Variants in RUFY2 observed in about 807,000 individuals in gnomAD.
RUFY2 encodes RUN and FYVE domain containing 2.
A neutral mutation model predicts 94.4 loss-of-function variants in RUFY2; 49 were observed. That is an observed-to-expected ratio of 0.52 (90% CI 0.41 to 0.66). The LOEUF (loss-of-function observed/expected upper bound fraction) is 0.66, where lower values mean the gene tolerates loss of function less well. Among genes scored for constraint, RUFY2 ranks in the 30% least tolerant of loss-of-function variants. RUFY2 has a pLI of 0.00. For synonymous variants in RUFY2, 255 were observed against 235.7 expected (o/e 1.08, Z -0.75); for missense variants, 541 against 692.8 (o/e 0.78, Z 2.46).
In RUFY2 at chr10:68,343,961, TG is replaced by T. The variant is rs2046130370; in HGVS notation, c.*1806del. On this transcript the variant is annotated 3_prime_UTR_variant, in exon 18 of 18. Transcript: ENST00000602465. ...GCAACTTAAGTCACATTTTAAAATT[TG>T]TTCTAAGCACAGTAATAAAAAAGCA... 2 of 152,298 alleles carry T rather than the reference TG, an allele frequency of 1.3e-5. No individual in the cohort carries two copies. The highest frequency in any genetic ancestry group is 4.8e-5 in the African/African-American group (2 of 41,570). 9.4% of individuals were successfully genotyped at this position (152,298 alleles called of 1,614,324 possible).
At chr10:68,378,485 T>G (rs2048812465) in intron 12 of RUFY2, 1 of 1,370,028 alleles carries the variant, frequency 7.3e-7, no homozygotes. Context: ...TTAATAGCAT[T>G]TAGATTCCTT....
In RUFY2 at chr10:68,394,107, T is replaced by C; in HGVS notation, c.552A>G (p.Leu184=). 2 of 1,504,914 alleles carry C rather than the reference T, an allele frequency of 1.3e-6. No individual in the cohort carries two copies. The highest frequency in any genetic ancestry group is 1.8e-6 in the Non-Finnish European group (2 of 1,122,108). 93.2% of individuals were successfully genotyped at this position (1,504,914 alleles called of 1,614,324 possible). The part of the protein sequence containing the change: ...QVGVIDFSMY[L]KNEEDIGNKE... ...TATTTCCAATATCTTCTTCATTCTTTAAATACATAGAAAAATCAATCACTC... is the reference window on the plus strand; with the variant it reads ...TATTTCCAATATCTTCTTCATTCTTCAAATACATAGAAAAATCAATCACTC... Residue 184 remains leucine (L), a synonymous_variant, in exon 6 of 18, where the codon TTA becomes TTG. Transcript: ENST00000602465.
At chr10:68,367,454 T>C (rs758572983) in intron 13 of RUFY2, among the ~76,000 whole-genome samples, 5 of 152,004 alleles carry the variant, frequency 3.3e-5, no homozygotes, top group Non-Finnish European at 5.9e-5. Context: ...GGGGTTTTTA[T>C]TTTGTTCTGT....
intron 7 of RUFY2, among the ~76,000 whole-genome samples, chr10:68,388,418 G>A (rs766691138): frequency 1.2e-4 from 18 of 152,018 alleles, no homozygotes; most frequent in African/African-American, 3.9e-4. Context: ...AGCTGAGATC[G>A]CGCCATTGCA....
Position 68,379,356 on chromosome 10 carries a change from G to A in RUFY2, c.1205+68C>T, listed in dbSNP as rs74143082. The A allele has an allele frequency of 1.8e-5, 20 of 1,116,520 alleles. No homozygotes were observed. In the African/African-American group the frequency reaches 1.9e-4, roughly 11 times the overall value. The allele number at this position is 1,116,520 out of a possible 1,614,324, so 69.2% of individuals were successfully genotyped here. A position where few individuals can be genotyped will look rare whatever the true frequency, so the allele number is the denominator to read the frequency against. ...CTTCCTAATGGTTTTTGTGGCAGGT[G>A]TAGGAACTGAATAAAGAAAAAGGGA... On this transcript the variant is annotated intron_variant, in intron 12 of 17. Coordinates refer to ENST00000602465, the MANE Select transcript of RUFY2 (RefSeq NM_001330103.2).
At chr10:68,400,500 C>T (rs957112376) in intron 3 of RUFY2, among the ~76,000 whole-genome samples, 3 of 150,206 alleles carry the variant, frequency 2.0e-5, no homozygotes, top group Admixed American at 6.7e-5. Context: ...CATGGTGAAA[C>T]CCCGTCTCTA....
At chr10:68,362,625 T>C (rs1324737307) in intron 15 of RUFY2, among the ~76,000 whole-genome samples, 3 of 151,968 alleles carry the variant, frequency 2.0e-5, no homozygotes, top group African/African-American at 7.2e-5. Flanking sequence ...ACCCCATCTC[T>C]ATAAACAATA....
chr10:68,359,789 CA>C (rs1263922397), intron 15 of RUFY2, among the ~76,000 whole-genome samples: 146 of 122,056 alleles, frequency 1.2e-3, no homozygotes, highest in Admixed American at 1.3e-3. Context: ...AACTCCGTCT[CA>C]AAAAAAAAAA....
intron 7 of RUFY2, among the ~76,000 whole-genome samples, chr10:68,391,282 C>G (rs573384425): frequency 3.8e-4 from 57 of 151,996 alleles, no homozygotes; most frequent in African/African-American, 1.3e-3. Flanking sequence ...TTGGGGAATA[C>G]TGGGTAAAAT....
At chr10:68,404,227 T>C (rs901819981) in intron 2 of RUFY2, among the ~76,000 whole-genome samples, 2 of 152,222 alleles carry the variant, frequency 1.3e-5, no homozygotes, top group Non-Finnish European at 2.9e-5. Context: ...ATGGCTCACA[T>C]TTCTACAATA....
intron 13 of RUFY2, among the ~76,000 whole-genome samples, chr10:68,366,547 A>T (rs2047833075): frequency 6.7e-6 from 1 of 150,290 alleles, no homozygotes; most frequent in African/African-American, 2.4e-5. Flanking sequence ...GTTCGAGAAC[A>T]GCCTGGCCAA....
chr10:68,367,728 C>T (rs2047957523), intron 13 of RUFY2, among the ~76,000 whole-genome samples: 1 of 138,820 alleles, frequency 7.2e-6, no homozygotes, highest in Non-Finnish European at 1.6e-5. Flanking sequence ...CTCCCTCCCT[C>T]CCTCCCTCCC....
At chr10:68,380,612 A>C (rs977307342) in intron 11 of RUFY2, among the ~76,000 whole-genome samples, 2 of 152,154 alleles carry the variant, frequency 1.3e-5, no homozygotes, top group Non-Finnish European at 2.9e-5. Context: ...CTGTAATCTC[A>C]GCACTTTGGG....
intron 4 of RUFY2, among the ~76,000 whole-genome samples, 180 bp from the exon 5 acceptor site, chr10:68,394,631 A>T (rs79237910): frequency 1.3e-5 from 2 of 151,008 alleles, no homozygotes; most frequent in African/African-American, 4.9e-5. Flanking sequence ...TTTTTTATTT[A>T]TTAATTTTTT....
chr10:68,386,123 G>A lies in RUFY2; in HGVS notation c.656C>T (p.Thr219Ile), dbSNP rs2049475493. The A allele has an allele frequency of 1.2e-6, 2 of 1,607,516 alleles. No homozygotes were observed. Among genetic ancestry groups the A allele is most frequent in the Non-Finnish European group, 1.7e-6 (2 of 1,177,738 alleles). The change falls in exon 8 of 18, where the codon ACA becomes ATA. Residue 219 changes from threonine (T) to isoleucine (I), a missense_variant. Physicochemically the swap from Thr to Ile is moderately conservative, Grantham distance 89 (BLOSUM62 -1). Coordinates refer to ENST00000602465, the MANE Select transcript of RUFY2 (RefSeq NM_001330103.2). ...AACTCTTGAATGGAGGCTGCTGACT[G>A]TGCTGCTGAAATTAAGAAACAAAAA... ...VEELNRQLNS[T>I]VSSLHSRVDS...
chr10:68,365,690 T>C (rs759465027), intron 13 of RUFY2, among the ~76,000 whole-genome samples: 4 of 152,262 alleles, frequency 2.6e-5, no homozygotes, highest in Admixed American at 6.5e-5. Context: ...AGTTTAGTGA[T>C]GTTTTTGTGA....
rs2048730676 is a variant in RUFY2 at position 68,377,103 on chromosome 10, C to A, written c.1206-131G>T. 18 of 1,511,326 alleles carry A rather than the reference C, an allele frequency of 1.2e-5. 1 individual carries two copies. In the South Asian group the frequency reaches 2.1e-4, roughly 18 times the overall value. The allele number at this position is 1,511,326 out of a possible 1,614,324, so 93.6% of individuals were successfully genotyped here. ...AATGAAAACAAAGTTTGGGGGAAAACTCACAAACTCAAACGTGAAAGAGCC... is the reference window on the plus strand; with the variant it reads ...AATGAAAACAAAGTTTGGGGGAAAAATCACAAACTCAAACGTGAAAGAGCC... On this transcript the variant is annotated intron_variant, in intron 12 of 17. Transcript: ENST00000602465.
chr10:68,401,400 T>A (rs901479399), intron 3 of RUFY2, among the ~76,000 whole-genome samples: 2 of 152,162 alleles, frequency 1.3e-5, no homozygotes, highest in Non-Finnish European at 2.9e-5. Context: ...CAAGGCAGAA[T>A]GGTGAGTGGT....
At chr10:68,356,413 G>A (rs1043597626) in intron 15 of RUFY2, among the ~76,000 whole-genome samples, 1 of 151,932 alleles carries the variant, frequency 6.6e-6, no homozygotes, top group Non-Finnish European at 1.5e-5. Context: ...AGGTGAGGCA[G>A]GAGAATCACT....
Sources: allele counts gnomAD v4.1 joint callset (sites outside exome capture counted in the v4.1 genomes callset), GRCh38; gene constraint gnomAD v4.1.1; transcripts MANE v1.5; gene names NCBI Gene and HGNC (gene_info 2026-07-23, HGNC 2026-07-21).